TNFSF4: variants seen among roughly 807,000 people sequenced by gnomAD.
TNFSF4 encodes tumor necrosis factor ligand superfamily member 4.
A neutral mutation model predicts 7.3 loss-of-function variants in TNFSF4; 4 were observed. That is an observed-to-expected ratio of 0.55 (90% CI 0.27 to 1.25). TNFSF4 has a LOEUF of 1.25. TNFSF4 is among the 50% of genes most tolerant of loss of function. The pLI is 0.12. For synonymous variants in TNFSF4, 76 were observed against 83.7 expected, an observed-to-expected ratio of 0.91 and a Z score of 0.50; for missense variants, 181 against 208.8, an observed-to-expected ratio of 0.87 and a Z score of 0.82.
At chr1:173,399,008 T>C in the TNFSF4 span, among the ~76,000 whole-genome samples, 39 of 152,228 alleles carry the variant, frequency 2.6e-4, no homozygotes, top group Non-Finnish European at 4.7e-4. Flanking sequence ...TAGTCAAGGC[T>C]GAACACTTAA....
At chr1:173,416,144 G>T in the TNFSF4 span, among the ~76,000 whole-genome samples, 1 of 152,164 alleles carries the variant, frequency 6.6e-6, no homozygotes, top group Non-Finnish European at 1.5e-5. Context: ...CTAAAGGCAG[G>T]GTCTGTCGGT....
At chr1:173,417,801 TCTA>T in the TNFSF4 span, 1 of 152,220 alleles carries the variant, frequency 6.6e-6, no homozygotes, top group African/African-American at 2.4e-5. Flanking sequence ...AATTAGAAAT[TCTA>T]CTATTTCAGC....
At chr1:173,439,578 C>G in the TNFSF4 span, among the ~76,000 whole-genome samples, 1 of 152,152 alleles carries the variant, frequency 6.6e-6, no homozygotes, top group Non-Finnish European at 1.5e-5. Context: ...CTATCCCTCA[C>G]AGAAGTCAGG....
the TNFSF4 span, among the ~76,000 whole-genome samples, chr1:173,214,403 T>C: frequency 0.034 from 5,136 of 152,270 alleles, 124 homozygotes; most frequent in Non-Finnish European, 0.049. Flanking sequence ...GTAAAGTTTA[T>C]CTAAGCAGAT....
At chr1:173,224,472 C>T in the TNFSF4 span, among the ~76,000 whole-genome samples, 1 of 152,168 alleles carries the variant, frequency 6.6e-6, no homozygotes, top group Non-Finnish European at 1.5e-5. Flanking sequence ...CTCATGCTAC[C>T]ATCCTGGTCC....
upstream of TNFSF4, among the ~76,000 whole-genome samples, chr1:173,210,106 GTTTTTTGGTGATAAAAAAAATCTACATT>G (rs1650325147): frequency 6.6e-6 from 1 of 151,646 alleles, no homozygotes; most frequent in Admixed American, 6.6e-5. Flanking sequence ...TGGTTTTGGG[GTTTTTTGGTGATAAAAAAAATCTACATT>G]TTTCATTTAT....
chr1:173,247,355 C>T, the TNFSF4 span, among the ~76,000 whole-genome samples: 1 of 152,140 alleles, frequency 6.6e-6, no homozygotes, highest in East Asian at 1.9e-4. Context: ...AAGCAGAATA[C>T]AGAGTATGTT....
At chr1:173,332,180 G>A in the TNFSF4 span, among the ~76,000 whole-genome samples, 1 of 152,184 alleles carries the variant, frequency 6.6e-6, no homozygotes, top group Non-Finnish European at 1.5e-5. Flanking sequence ...GTAATCCTGA[G>A]CAGACGTTCA....
At chr1:173,339,930 G>C in the TNFSF4 span, among the ~76,000 whole-genome samples, 1 of 152,106 alleles carries the variant, frequency 6.6e-6, no homozygotes, top group African/African-American at 2.4e-5. Context: ...CTGGATATTT[G>C]CTCAAATATT....
the TNFSF4 span, among the ~76,000 whole-genome samples, chr1:173,434,801 T>C: frequency 6.6e-6 from 1 of 152,216 alleles, no homozygotes; most frequent in African/African-American, 2.4e-5. Flanking sequence ...AGGATTTTAG[T>C]TGAGGAAATC....
intron 1 of TNFSF4, chr1:173,205,470 G>A: frequency 2.0e-6 from 3 of 1,519,366 alleles, no homozygotes; most frequent in East Asian, 2.3e-5. Flanking sequence ...CCAGCAAGCT[G>A]TACAACTGTG....
At chr1:173,375,952 A>C in the TNFSF4 span, among the ~76,000 whole-genome samples, 1 of 152,052 alleles carries the variant, frequency 6.6e-6, no homozygotes, top group Admixed American at 6.5e-5. Flanking sequence ...CCACTAACCC[A>C]CTGGCAGGAA....
the TNFSF4 span, among the ~76,000 whole-genome samples, chr1:173,364,777 CTAA>C: frequency 6.6e-6 from 1 of 151,982 alleles, no homozygotes; most frequent in African/African-American, 2.4e-5. Context: ...TATTATACCA[CTAA>C]CTGTTCAAGG....
At chr1:173,280,791 G>A in the TNFSF4 span, among the ~76,000 whole-genome samples, 12 of 152,050 alleles carry the variant, frequency 7.9e-5, no homozygotes, top group African/African-American at 2.9e-4. Context: ...ATTGACTGGT[G>A]TTTGGGGAAT....
the TNFSF4 span, among the ~76,000 whole-genome samples, chr1:173,250,695 G>A: frequency 1.3e-5 from 2 of 152,046 alleles, no homozygotes; most frequent in Non-Finnish European, 1.5e-5. Context: ...TTCTGACCTC[G>A]TGATCCGCCC....
chr1:173,275,193 G>A, the TNFSF4 span, among the ~76,000 whole-genome samples: 1 of 152,072 alleles, frequency 6.6e-6, no homozygotes, highest in Non-Finnish European at 1.5e-5. Context: ...TCCCATCAGG[G>A]AAGGGAACGA....
chr1:173,281,746 C>T, the TNFSF4 span, among the ~76,000 whole-genome samples: 5 of 152,144 alleles, frequency 3.3e-5, no homozygotes, highest in Admixed American at 6.5e-5. Flanking sequence ...CTTCAGCCAA[C>T]ATTATTGAAC....
intron 1 of TNFSF4, chr1:173,205,564 C>T (rs1650150656): frequency 7.9e-7 from 1 of 1,273,298 alleles, no homozygotes; most frequent in South Asian, 2.4e-5. Flanking sequence ...GTTTTATCAT[C>T]CCATGGTGTA....
intron 1 of TNFSF4, among the ~76,000 whole-genome samples, chr1:173,202,455 T>C (rs1348135924): frequency 6.6e-6 from 1 of 152,206 alleles, no homozygotes; most frequent in East Asian, 1.9e-4. Flanking sequence ...TATTTGTGGA[T>C]GAGCACTTGA....
Sources: gnomAD v4.1 joint callset for allele counts (sites outside exome capture counted in the v4.1 genomes callset) on GRCh38, gnomAD v4.1.1 for gene constraint, MANE v1.5 for transcripts, NCBI Gene and HGNC (gene_info 2026-07-23, HGNC 2026-07-21) for gene names.